The following CELF2 variants were observed in gnomAD, a reference collection of about 807,000 sequenced individuals.
CELF2 encodes CUGBP Elav-like family member 2.
In CELF2, 8 loss-of-function variants were observed where a neutral mutation model predicts 62.6. That is an observed-to-expected ratio of 0.13 (90% CI 0.07 to 0.23). The LOEUF is 0.23. Among genes scored for constraint, CELF2 ranks in the 10% least tolerant of loss-of-function variants. The pLI, the probability that CELF2 is intolerant of heterozygous loss-of-function variation, is 1.00. For synonymous variants in CELF2, 258 were observed against 250.0 expected (o/e 1.03, Z -0.30); for missense variants, 333 against 671.0 (o/e 0.50, Z 5.56).
chr10:11,071,431 A>G (rs1378891179), intron 1 of CELF2: 3 of 152,238 alleles, frequency 2.0e-5, no homozygotes, highest in African/African-American at 7.2e-5. Flanking sequence ...AACATCTAGG[A>G]AGAGGGAGAA....
intron 1 of CELF2, among the ~76,000 whole-genome samples, chr10:11,118,502 G>A (rs558161135): frequency 4.2e-4 from 64 of 152,140 alleles, no homozygotes; most frequent in South Asian, 2.9e-3. Flanking sequence ...TCAAAGATAC[G>A]TCACTTCTGT....
chr10:10,705,067 T>G, the CELF2 span, among the ~76,000 whole-genome samples: 1 of 151,972 alleles, frequency 6.6e-6, no homozygotes, highest in Non-Finnish European at 1.5e-5. Context: ...AAGCCTGTAA[T>G]CCTGGCTACT....
intron 2 of CELF2, among the ~76,000 whole-genome samples, chr10:10,921,134 T>C (rs778815898): frequency 1.3e-5 from 2 of 152,000 alleles, no homozygotes; most frequent in African/African-American, 2.4e-5. Context: ...TTTGTATTTT[T>C]CGTAGAGACA....
chr10:10,487,811 C>T, the CELF2 span, among the ~76,000 whole-genome samples: 50 of 152,070 alleles, frequency 3.3e-4, no homozygotes, highest in Non-Finnish European at 5.6e-4. Context: ...GGTCTTTGTG[C>T]TTAACCCTTT....
chr10:11,202,056 A>G (rs1296081589), intron 2 of CELF2, among the ~76,000 whole-genome samples: 2 of 152,046 alleles, frequency 1.3e-5, no homozygotes, highest in East Asian at 3.9e-4. Flanking sequence ...TAACACTAAG[A>G]CATCTGTTCC....
intron 2 of CELF2, chr10:10,922,669 G>C (rs768826832): frequency 1.3e-5 from 2 of 152,138 alleles, no homozygotes. Flanking sequence ...GTGGTATTTC[G>C]GTAATAAGCC....
chr10:10,921,080 G>A (rs1591936666), intron 2 of CELF2, among the ~76,000 whole-genome samples: 1 of 151,900 alleles, frequency 6.6e-6, no homozygotes, highest in East Asian at 1.9e-4. Flanking sequence ...TCAGCCTTCT[G>A]GGTAGCTGGG....
At chr10:10,555,989 C>T in the CELF2 span, among the ~76,000 whole-genome samples, 3,390 of 152,184 alleles carry the variant, frequency 0.022, 136 homozygotes, top group African/African-American at 0.077. Flanking sequence ...ATATATAATA[C>T]TTTACTGAAC....
chr10:11,096,723 G>A (rs1449898913), intron 1 of CELF2, among the ~76,000 whole-genome samples: 1 of 152,162 alleles, frequency 6.6e-6, no homozygotes, highest in East Asian at 1.9e-4. Context: ...GCAATTCTGA[G>A]TATCTTTTGG....
chr10:10,652,785 C>T, the CELF2 span, among the ~76,000 whole-genome samples: 1 of 151,862 alleles, frequency 6.6e-6, no homozygotes, highest in African/African-American at 2.4e-5. Flanking sequence ...AATGTAAAGA[C>T]CATCGAGACT....
the CELF2 span, among the ~76,000 whole-genome samples, chr10:10,762,706 C>G: frequency 6.6e-6 from 1 of 152,074 alleles, no homozygotes; most frequent in African/African-American, 2.4e-5. Flanking sequence ...CACTTACCCT[C>G]TATGGTGAGC....
the CELF2 span, among the ~76,000 whole-genome samples, chr10:10,718,670 G>A: frequency 2.0e-5 from 3 of 149,736 alleles, no homozygotes; most frequent in Non-Finnish European, 4.4e-5. Flanking sequence ...AGGTGTCACT[G>A]TGACGTCTCC....
At chr10:11,152,711 T>C (rs1355009343) in intron 1 of CELF2, among the ~76,000 whole-genome samples, 1 of 152,236 alleles carries the variant, frequency 6.6e-6, no homozygotes, top group Non-Finnish European at 1.5e-5. Context: ...GTGCTGTAGT[T>C]CACAATTCCA....
At chr10:10,853,448 C>T (rs926636412) in intron 1 of CELF2, among the ~76,000 whole-genome samples, 1 of 151,916 alleles carries the variant, frequency 6.6e-6, no homozygotes. Flanking sequence ...AGAGAATCCA[C>T]TGGAAGGTTA....
chr10:11,282,598 T>C (rs1463601466), intron 8 of CELF2, among the ~76,000 whole-genome samples: 1 of 152,248 alleles, frequency 6.6e-6, no homozygotes, highest in Non-Finnish European at 1.5e-5. Flanking sequence ...TTTTTGAGCT[T>C]AACTCTGCAC....
intron 2 of CELF2, among the ~76,000 whole-genome samples, chr10:11,212,219 G>T (rs1288833657): frequency 1.3e-5 from 2 of 152,172 alleles, no homozygotes; most frequent in Non-Finnish European, 2.9e-5. Flanking sequence ...CCCCTGGGGA[G>T]GTAGGCAGGG....
the CELF2 span, among the ~76,000 whole-genome samples, chr10:10,581,811 C>T: frequency 4.6e-5 from 7 of 152,278 alleles, no homozygotes; most frequent in South Asian, 4.1e-4. Flanking sequence ...GGGCTGATCA[C>T]GAGGTCAGGT....
chr10:10,572,480 C>T, the CELF2 span, among the ~76,000 whole-genome samples: 1 of 152,036 alleles, frequency 6.6e-6, no homozygotes, highest in African/African-American at 2.4e-5. Context: ...CATGCATCAG[C>T]TATTTTCCCT....
chr10:10,809,193 CTT>C (rs1429571592), intron 1 of CELF2, among the ~76,000 whole-genome samples: 4 of 151,724 alleles, frequency 2.6e-5, no homozygotes, highest in African/African-American at 2.4e-5. Context: ...CTGCCTCCCT[CTT>C]TCTCTCTCTT....
Sources: gnomAD v4.1 joint callset for allele counts (sites outside exome capture counted in the v4.1 genomes callset) on GRCh38, gnomAD v4.1.1 for gene constraint, MANE v1.5 for transcripts, NCBI Gene and HGNC (gene_info 2026-07-23, HGNC 2026-07-21) for gene names.